The following KIF13B variants were observed in gnomAD, a reference collection of about 807,000 sequenced individuals.
KIF13B encodes the protein kinesin-like protein KIF13B.
In KIF13B, 127 loss-of-function variants were observed where a neutral mutation model predicts 222.0. The observed-to-expected ratio is 0.57, with a 90% CI of 0.50 to 0.66. The LOEUF (loss-of-function observed/expected upper bound fraction) is 0.66, where lower values mean the gene tolerates loss of function less well. KIF13B is among the 30% of genes least tolerant of loss of function. The probability of loss-of-function intolerance (pLI) is 0.00; values close to 1 mark genes in which losing one functional copy is unlikely to be tolerated. For synonymous variants in KIF13B, 976 were observed against 919.0 expected, an observed-to-expected ratio of 1.06 and a Z score of -1.12; for missense variants, 2,173 against 2,379.0, an observed-to-expected ratio of 0.91 and a Z score of 1.80.
intron 8 of KIF13B, among the ~76,000 whole-genome samples, chr8:29,178,151 C>T (rs745744627): frequency 7.2e-5 from 11 of 151,860 alleles, no homozygotes; most frequent in Non-Finnish European, 1.5e-4. Context: ...GAAGGGTGCC[C>T]AATGAAATTT....
intron 14 of KIF13B, among the ~76,000 whole-genome samples, chr8:29,153,303 A>G (rs1811380273): frequency 6.6e-6 from 1 of 152,094 alleles, no homozygotes; most frequent in Admixed American, 6.5e-5. Context: ...AAACAACCAG[A>G]CTCTACAAAC....
chr8:29,075,386 C>A (rs1393485314), intron 37 of KIF13B, 43 bp from the exon 38 acceptor site: 2 of 1,522,352 alleles, frequency 1.3e-6, no homozygotes, highest in African/African-American at 2.8e-5. Context: ...GAGGACAGAA[C>A]AGGGGTAGCA....
At chr8:29,096,264 G>A (rs1466358517) in intron 36 of KIF13B, among the ~76,000 whole-genome samples, 2 of 147,776 alleles carry the variant, frequency 1.4e-5, no homozygotes, top group Non-Finnish European at 3.0e-5. Context: ...GATTACAGGC[G>A]TAAGCCACTG....
At chr8:29,168,529 G>A (rs1448079351) in intron 10 of KIF13B, among the ~76,000 whole-genome samples, 1 of 152,258 alleles carries the variant, frequency 6.6e-6, no homozygotes, top group Non-Finnish European at 1.5e-5. Context: ...ACCTCTAAGG[G>A]TAGATTCAAA....
intron 37 of KIF13B, among the ~76,000 whole-genome samples, chr8:29,080,656 T>C (rs564822428): frequency 4.9e-4 from 75 of 152,286 alleles, no homozygotes; most frequent in African/African-American, 1.7e-3. Context: ...GGCTTGGCAT[T>C]CTAACTTTTG....
chr8:29,131,730 C>T (rs894248508), intron 23 of KIF13B, among the ~76,000 whole-genome samples: 6 of 152,178 alleles, frequency 3.9e-5, no homozygotes, highest in East Asian at 1.9e-4. Context: ...TAATTCATAA[C>T]GGTAAGTCAC....
chr8:29,090,866 T>A (rs1808267570), intron 37 of KIF13B, among the ~76,000 whole-genome samples: 1 of 152,096 alleles, frequency 6.6e-6, no homozygotes, highest in Non-Finnish European at 1.5e-5. Flanking sequence ...TGTGTAGCTA[T>A]GACTACAGGA....
chr8:29,110,179 G>C, intron 32 of KIF13B, 109 bp from the exon 33 acceptor site: 1 of 967,524 alleles, frequency 1.0e-6, no homozygotes, highest in South Asian at 1.6e-5. Flanking sequence ...CCATTTTAAA[G>C]TCAGCTTTGG....
intron 13 of KIF13B, among the ~76,000 whole-genome samples, chr8:29,159,448 C>A (rs1278297800): frequency 6.6e-6 from 1 of 152,088 alleles, no homozygotes; most frequent in East Asian, 1.9e-4. Context: ...CCACGCCCAG[C>A]CAATAATATA....
At chr8:29,205,979 T>C (rs936134495) in intron 2 of KIF13B, among the ~76,000 whole-genome samples, 1 of 150,826 alleles carries the variant, frequency 6.6e-6, no homozygotes, top group African/African-American at 2.4e-5. Context: ...TGGTCCTCAA[T>C]ACTTGGGAGG....
chr8:29,240,444 G>C (rs1031851732), intron 2 of KIF13B, among the ~76,000 whole-genome samples: 1 of 152,188 alleles, frequency 6.6e-6, no homozygotes, highest in Non-Finnish European at 1.5e-5. Context: ...GGTGGAGAGA[G>C]AAAGGGTTCC....
At chr8:29,241,311 T>G (rs767045964) in intron 2 of KIF13B, among the ~76,000 whole-genome samples, 19 of 152,226 alleles carry the variant, frequency 1.2e-4, no homozygotes, top group Admixed American at 2.0e-4. Context: ...AAGCAGATAG[T>G]GGTGCAGGTT....
chr8:29,143,455 T>C (rs991550796), intron 18 of KIF13B, among the ~76,000 whole-genome samples: 4 of 152,190 alleles, frequency 2.6e-5, no homozygotes, highest in African/African-American at 9.6e-5. Flanking sequence ...CAAATATGCA[T>C]TGTTTGGGTT....
intron 36 of KIF13B, among the ~76,000 whole-genome samples, chr8:29,093,952 A>C (rs78183715): frequency 0.034 from 5,159 of 152,318 alleles, 311 homozygotes; most frequent in African/African-American, 0.12. Flanking sequence ...AAGATGAATA[A>C]AGATCCAAAA....
chr8:29,121,124 T>C (rs1367750284), intron 29 of KIF13B, among the ~76,000 whole-genome samples: 1 of 151,700 alleles, frequency 6.6e-6, no homozygotes, highest in Non-Finnish European at 1.5e-5. Flanking sequence ...AAAATGGCCA[T>C]ACTGCCCAAG....
chr8:29,171,742 T>C (rs1448700123), intron 10 of KIF13B, among the ~76,000 whole-genome samples: 3 of 150,038 alleles, frequency 2.0e-5, no homozygotes, highest in African/African-American at 7.3e-5. Flanking sequence ...AAAAAAATCA[T>C]ATAATTTTTT....
At chr8:29,231,466 G>A (rs948180729) in intron 2 of KIF13B, among the ~76,000 whole-genome samples, 2 of 152,202 alleles carry the variant, frequency 1.3e-5, no homozygotes, top group Non-Finnish European at 1.5e-5. Context: ...ATGACTGGCC[G>A]AGTGACTAAG....
rs564430994 is a variant in KIF13B at position 29,068,903 on chromosome 8, G to A, written c.*1601C>T. On this transcript the variant is annotated 3_prime_UTR_variant, in exon 40 of 40. Transcript: ENST00000524189. This position sits in a 1 kb window ranked among gnomAD's most constrained non-coding sequence, Gnocchi z 4.4. ...GGCTAAGGACAGGGAGAGCCCTGGA[G>A]GAGTGCCTCCCCCCAGGGGCCGGGC... The A allele has an allele frequency of 3.0e-4, 45 of 152,382 alleles. No homozygotes were observed. The highest frequency in any genetic ancestry group is 4.7e-4 in the Non-Finnish European group (32 of 68,066). 9.4% of individuals were successfully genotyped at this position (152,382 alleles called of 1,614,324 possible).
In KIF13B at chr8:29,146,661, G is replaced by A. The variant is rs1343846226; in HGVS notation, c.2025-121C>T. 1.1e-5 allele frequency: 9 copies of A among 854,096 alleles called. No homozygotes were observed. In the East Asian group the frequency reaches 1.1e-4, roughly 10 times the overall value. The allele number at this position is 854,096 out of a possible 1,614,324, so 52.9% of individuals were successfully genotyped here. A position where few individuals can be genotyped will look rare whatever the true frequency, so the allele number is the denominator to read the frequency against. ...TGTGAATTGAGCTTTTTCCGTGGTC[G>A]TCTGCACGCAGGGACTGTGTTGCTG... On this transcript the variant is annotated intron_variant, in intron 17 of 39. Transcript: ENST00000524189.
Sources: allele counts gnomAD v4.1 joint callset (sites outside exome capture counted in the v4.1 genomes callset), GRCh38; gene constraint gnomAD v4.1.1; non-coding constraint Gnocchi (gnomAD v3.1); transcripts MANE v1.5; gene names NCBI Gene and HGNC (gene_info 2026-07-23, HGNC 2026-07-21).